FBXL13: variants seen among roughly 807,000 people sequenced by gnomAD.
FBXL13 encodes F-box and leucine-rich repeat protein 13.
FBXL13 carries 67 observed loss-of-function variants against 83.6 expected under a neutral mutation model. That is an observed-to-expected ratio of 0.80 (90% CI 0.66 to 0.98). The LOEUF (loss-of-function observed/expected upper bound fraction) is 0.98, where lower values mean the gene tolerates loss of function less well. Among genes scored for constraint, FBXL13 ranks in the 50% least tolerant of loss-of-function variants. The pLI is 0.00. For missense variants in FBXL13, 822 were observed against 866.5 expected (o/e 0.95, Z 0.64); for synonymous variants, 272 against 299.5 (o/e 0.91, Z 0.95).
chr7:102,861,782 G>C (rs1464235880), intron 16 of FBXL13, among the ~76,000 whole-genome samples: 1 of 151,730 alleles, frequency 6.6e-6, no homozygotes, highest in Non-Finnish European at 1.5e-5. Flanking sequence ...AGGAGTTCAC[G>C]ACCAGCCTGG....
At chr7:102,957,373 C>T (rs567834306) in intron 8 of FBXL13, among the ~76,000 whole-genome samples, 22 of 152,108 alleles carry the variant, frequency 1.4e-4, no homozygotes, top group Non-Finnish European at 1.5e-4. Context: ...ACACCTTATA[C>T]AAAAATTAAT....
At chr7:102,876,993 C>T (rs1809361958) in intron 16 of FBXL13, among the ~76,000 whole-genome samples, 3 of 152,110 alleles carry the variant, frequency 2.0e-5, no homozygotes, top group Admixed American at 2.0e-4. Flanking sequence ...GAGTCTCAAC[C>T]CTGATGAATA....
chr7:102,944,666 A>G (rs1053433869), intron 8 of FBXL13: 1 of 1,427,624 alleles, frequency 7.0e-7, no homozygotes, highest in African/African-American at 1.4e-5. Context: ...GTTAGAAAAC[A>G]TATGTTTACA....
chr7:102,814,617 G>C (rs1215874225), intron 19 of FBXL13, among the ~76,000 whole-genome samples: 1 of 152,136 alleles, frequency 6.6e-6, no homozygotes, highest in African/African-American at 2.4e-5. Context: ...CTTATTATTG[G>C]CTCTCACACA....
At chr7:103,015,497 G>A (rs1383831899) in intron 6 of FBXL13, among the ~76,000 whole-genome samples, 6 of 152,052 alleles carry the variant, frequency 3.9e-5, no homozygotes, top group Admixed American at 3.9e-4. Flanking sequence ...AAAGTTTCAG[G>A]ATACAAAATC....
At position 103,029,281 on chromosome 7, in the gene FBXL13, T is replaced by C; in HGVS notation, c.68+70A>G. ...TCAGCACAACTGGCCAAAAGTGAAT[T>C]TTTCTTTGCACGGAGAATATCAAGA... On this transcript the variant is annotated intron_variant, in intron 3 of 19. Transcript: ENST00000313221. 4.1e-6 allele frequency: 4 copies of C among 976,860 alleles called. No homozygotes were observed. In the South Asian group the frequency reaches 6.6e-5, roughly 16 times the overall value. The allele number at this position is 976,860 out of a possible 1,614,324, so 60.5% of individuals were successfully genotyped here. A position where few individuals can be genotyped will look rare whatever the true frequency, so the allele number is the denominator to read the frequency against.
intron 9 of FBXL13, among the ~76,000 whole-genome samples, chr7:102,926,619 C>T (rs532873345): frequency 6.0e-4 from 92 of 152,298 alleles, no homozygotes; most frequent in African/African-American, 1.9e-3. Context: ...ATCACAATGA[C>T]ACTTCATTAA....
chr7:102,830,988 A>T (rs78515005), intron 18 of FBXL13, among the ~76,000 whole-genome samples: 4,435 of 152,282 alleles, frequency 0.029, 187 homozygotes, highest in East Asian at 0.16. Context: ...TCGGAAGGTC[A>T]GAGTACACGC....
intron 16 of FBXL13, among the ~76,000 whole-genome samples, chr7:102,871,025 G>T (rs761766405): frequency 9.2e-5 from 14 of 152,054 alleles, no homozygotes; most frequent in Non-Finnish European, 1.5e-4. Flanking sequence ...ACATCACCTG[G>T]TTCTCTTACA....
chr7:102,853,541 G>A (rs1295236800), intron 17 of FBXL13, among the ~76,000 whole-genome samples: 1 of 152,122 alleles, frequency 6.6e-6, no homozygotes, highest in Non-Finnish European at 1.5e-5. Context: ...AAACTAAAGA[G>A]CTTCTGCACA....
chr7:102,916,223 G>A (rs1051775223), intron 10 of FBXL13, among the ~76,000 whole-genome samples: 9 of 152,038 alleles, frequency 5.9e-5, no homozygotes, highest in African/African-American at 1.9e-4. Context: ...TTGACCTCAG[G>A]TGATCCGCCC....
chr7:102,913,056 C>A (rs755183814), intron 11 of FBXL13, 30 bp downstream of exon 12: 1 of 1,613,890 alleles, frequency 6.2e-7, no homozygotes, highest in Non-Finnish European at 8.5e-7. Context: ...TCCTCACACA[C>A]CGCAGCAAAG....
At chr7:102,906,973 TG>T (rs1813856241) in intron 11 of FBXL13, among the ~76,000 whole-genome samples, 1 of 152,102 alleles carries the variant, frequency 6.6e-6, no homozygotes, top group African/African-American at 2.4e-5. Flanking sequence ...TGTTTGTTTT[TG>T]TTTTTTTTGG....
At chr7:102,904,440 C>T (rs991994610) in intron 11 of FBXL13, among the ~76,000 whole-genome samples, 7 of 151,710 alleles carry the variant, frequency 4.6e-5, no homozygotes, top group African/African-American at 1.7e-4. Context: ...GCACAACGTG[C>T]AGGTTTGTTA....
chr7:102,832,900 G>T (rs1452771393), exon 18 of FBXL13: 1 of 1,614,088 alleles, frequency 6.2e-7, no homozygotes, highest in African/African-American at 1.3e-5. Context: ...CCAGTGCTTT[G>T]ATAATCATAT....
chr7:102,846,607 C>T (rs1024021261), intron 17 of FBXL13, among the ~76,000 whole-genome samples: 2 of 132,996 alleles, frequency 1.5e-5, no homozygotes, highest in African/African-American at 6.4e-5. Context: ...CAGAGCAAGA[C>T]TCAGTCTCAA....
At chr7:103,052,448 TA>T (rs199518985) in intron 2 of FBXL13, among the ~76,000 whole-genome samples, 43 of 148,764 alleles carry the variant, frequency 2.9e-4, no homozygotes, top group South Asian at 2.8e-3. Context: ...TGCTTCTTTG[TA>T]AAAAAAAAAA....
chr7:103,034,265 C>G (rs187765054), intron 2 of FBXL13, among the ~76,000 whole-genome samples: 1 of 152,144 alleles, frequency 6.6e-6, no homozygotes. Context: ...ATTGGGTGGT[C>G]GATGGGACTG....
chr7:102,989,094 C>T (rs1377106675), intron 6 of FBXL13, among the ~76,000 whole-genome samples: 1 of 152,102 alleles, frequency 6.6e-6, no homozygotes, highest in African/African-American at 2.4e-5. Context: ...GGGATGGGGA[C>T]AGGGAGGGCT....
Sources: gnomAD v4.1 joint callset for allele counts (sites outside exome capture counted in the v4.1 genomes callset) on GRCh38, gnomAD v4.1.1 for gene constraint, MANE v1.5 for transcripts, NCBI Gene and HGNC (gene_info 2026-07-23, HGNC 2026-07-21) for gene names.